The following DLGAP4 variants were observed in gnomAD, a reference collection of about 807,000 sequenced individuals.
The protein encoded by DLGAP4 is DLG associated protein 4, also known as disks large-associated protein 4.
Under a neutral mutation model 86.9 loss-of-function variants are expected in DLGAP4, and 18 were observed. The observed-to-expected ratio is 0.21, with a 90% CI of 0.14 to 0.31. DLGAP4 has a LOEUF of 0.31. DLGAP4 is among the 10% of genes least tolerant of loss of function. The pLI, the probability that DLGAP4 is intolerant of heterozygous loss-of-function variation, is 1.00. For missense variants in DLGAP4, 1,085 were observed against 1,362.6 expected, an observed-to-expected ratio of 0.80 and a Z score of 3.21; for synonymous variants, 548 against 574.3, an observed-to-expected ratio of 0.95 and a Z score of 0.65.
chr20:36,416,779 C>G (rs567927517), intron 2 of DLGAP4, among the ~76,000 whole-genome samples: 2 of 152,058 alleles, frequency 1.3e-5, no homozygotes, highest in Non-Finnish European at 2.9e-5. Context: ...ACAGAAACGC[C>G]AGCCTAGCCT....
intron 5 of DLGAP4, among the ~76,000 whole-genome samples, chr20:36,441,856 G>C (rs566507434): frequency 6.6e-6 from 1 of 151,784 alleles, no homozygotes; most frequent in Non-Finnish European, 1.5e-5. Flanking sequence ...CTCCACCCCC[G>C]CCTGGGCCTG....
intron 1 of DLGAP4, among the ~76,000 whole-genome samples, chr20:36,315,046 T>TTGTATG (rs1476501944): frequency 2.3e-4 from 1 of 4,380 alleles, no homozygotes; most frequent in Non-Finnish European, 5.1e-4. Context: ...GTGTGGTGTG[T>TTGTATG]TGCGCCCCCC....
Position 36,393,276 on chromosome 20 carries a change from G to C in DLGAP4, c.-73+26001G>C, listed in dbSNP as rs2031843299. Among the ~76,000 whole-genome samples, 1 of 152,108 alleles carries C rather than the reference G, an allele frequency of 6.6e-6. No individual in the cohort carries two copies. The highest frequency in any genetic ancestry group is 1.5e-5 in the Non-Finnish European group (1 of 68,006). On this transcript the variant is annotated intron_variant, in intron 2 of 12. Coordinates refer to ENST00000339266, the MANE Select transcript of DLGAP4 (RefSeq NM_001365621.2). This position sits in a 1 kb window ranked among gnomAD's most constrained non-coding sequence, Gnocchi z 4.4. ...CAGACCTAACCAAGAGCCTGAGCAA[G>C]ACTGGAAGTGCCTCCTTAGCCTGGG...
At chr20:36,417,446 A>G (rs961844338) in intron 2 of DLGAP4, among the ~76,000 whole-genome samples, 1 of 152,116 alleles carries the variant, frequency 6.6e-6, no homozygotes, top group Non-Finnish European at 1.5e-5. Flanking sequence ...TAGTGGCACA[A>G]TCACGGCTCA....
In DLGAP4 at chr20:36,500,531, T is replaced by A; in HGVS notation, c.2432T>A (p.Leu811Gln). 6.4e-7 allele frequency: 1 copy of A among 1,571,126 alleles called. No individual in the cohort carries two copies. The highest frequency in any genetic ancestry group is 8.6e-7 in the Non-Finnish European group (1 of 1,160,230). ...RRDGYWFLKL[L>Q]QAETERLEGW... ...GACGGCTACTGGTTCCTAAAGCTAC[T>A]GCAGGCAGAAACAGAGCGGCTGGAA... Residue 811 changes from leucine (L) to glutamine (Q), a missense_variant, in exon 10 of 13, where the codon CTG (leucine) becomes CAG (glutamine). Leu to Gln is a moderately radical substitution (Grantham distance 113, BLOSUM62 -2). Around this residue, in one of 2 missense-constraint regions of DLGAP4, gnomAD observed 1,082 missense variants for 1,344.1 expected, o/e 0.81. Coordinates refer to ENST00000339266, the MANE Select transcript of DLGAP4 (RefSeq NM_001365621.2). This position sits in a 1 kb window ranked among gnomAD's most constrained non-coding sequence, Gnocchi z 4.6.
At chr20:36,413,025 G>A (rs957239530) in intron 2 of DLGAP4, among the ~76,000 whole-genome samples, 32 of 147,964 alleles carry the variant, frequency 2.2e-4, no homozygotes, top group African/African-American at 7.8e-4. Flanking sequence ...TGTCACCCAG[G>A]CTGGAGTACA....
chr20:36,523,026 T>C (rs1772132697), intron 10 of DLGAP4, among the ~76,000 whole-genome samples: 2 of 150,320 alleles, frequency 1.3e-5, no homozygotes, highest in African/African-American at 5.1e-5. Flanking sequence ...GTATTTTCTG[T>C]AGAGATGGAC....
intron 7 of DLGAP4, among the ~76,000 whole-genome samples, chr20:36,459,225 G>A (rs2033959729): frequency 6.6e-6 from 1 of 152,144 alleles, no homozygotes; most frequent in South Asian, 2.1e-4. Context: ...CTGGAGTACA[G>A]TAGATGTTCC....
At chr20:36,417,192 G>A (rs2032679670) in intron 2 of DLGAP4, among the ~76,000 whole-genome samples, 1 of 152,118 alleles carries the variant, frequency 6.6e-6, no homozygotes, top group Non-Finnish European at 1.5e-5. Flanking sequence ...AGGAGGTGAC[G>A]TTTAATCAGG....
intron 8 of DLGAP4, 21 bp downstream of exon 8, chr20:36,497,087 CTG>C (rs2035919766): frequency 1.3e-6 from 2 of 1,567,710 alleles, no homozygotes; most frequent in Non-Finnish European, 8.7e-7. Context: ...CTTTTGCACT[CTG>C]TGTCCTCAGC....
chr20:36,430,381 T>A (rs952882717), intron 2 of DLGAP4, among the ~76,000 whole-genome samples: 1 of 152,186 alleles, frequency 6.6e-6, no homozygotes, highest in Non-Finnish European at 1.5e-5. Context: ...CCAGCAGTCA[T>A]ACTTGGTAGA....
At chr20:36,335,532 C>T (rs782047269) in intron 1 of DLGAP4, among the ~76,000 whole-genome samples, 7 of 152,070 alleles carry the variant, frequency 4.6e-5, no homozygotes, top group Non-Finnish European at 1.0e-4. Flanking sequence ...TTGTGACTGT[C>T]GAGACTGTGG....
At chr20:36,358,205 G>A (rs1555893998) in intron 1 of DLGAP4, among the ~76,000 whole-genome samples, 1 of 152,258 alleles carries the variant, frequency 6.6e-6, no homozygotes, top group East Asian at 1.9e-4. Context: ...GCCACAGTGA[G>A]GCACGCATGA....
intron 7 of DLGAP4, 60 bp from the exon 8 acceptor site, chr20:36,496,645 G>C (rs1458797649): frequency 6.5e-7 from 1 of 1,546,518 alleles, no homozygotes; most frequent in Non-Finnish European, 8.8e-7. Context: ...GAAGGGGCTT[G>C]AGAGGGTTGG....
chr20:36,499,697 G>A (rs1280998642), intron 9 of DLGAP4, 21 bp downstream of exon 9: 21 of 1,603,614 alleles, frequency 1.3e-5, no homozygotes, highest in Admixed American at 1.0e-4. Context: ...CAGAGGTGGC[G>A]GCTGCTTCTC....
rs547416123 is a variant in DLGAP4 at position 36,378,787 on chromosome 20, G to T, written c.-73+11512G>T. ...GAGGCAGAGTGCAGGAGACGCTTGA[G>T]TGTCAGCCACAGTAGGAGGGTTCGG... On this transcript the variant is annotated intron_variant, in intron 2 of 12. Transcript: ENST00000339266. Among the ~76,000 whole-genome samples the T allele has an allele frequency of 1.8e-4, 27 of 152,166 alleles. No homozygotes were observed. The East Asian group carries it at 5.2e-3, about 29-fold the overall frequency.
intron 2 of DLGAP4, among the ~76,000 whole-genome samples, chr20:36,377,589 A>C (rs372602952): frequency 2.2e-4 from 34 of 152,268 alleles, no homozygotes; most frequent in African/African-American, 7.5e-4. Flanking sequence ...TCTGCTCATC[A>C]GGGTGCTCCT....
chr20:36,396,346 CACA>C (rs1569484490), intron 2 of DLGAP4, among the ~76,000 whole-genome samples: 22 of 2,614 alleles, frequency 8.4e-3, no homozygotes, highest in East Asian at 0.014. Flanking sequence ...CGCACACACA[CACA>C]CACATACCAC....
chr20:36,366,117 G>A (rs1569473513), intron 1 of DLGAP4, among the ~76,000 whole-genome samples: 2 of 152,080 alleles, frequency 1.3e-5, no homozygotes, highest in Admixed American at 1.3e-4. Flanking sequence ...TGGGTTTTTT[G>A]TTTTTGGTTT....
Sources: gnomAD v4.1 joint callset for allele counts (sites outside exome capture counted in the v4.1 genomes callset) on GRCh38, gnomAD v4.1.1 for gene constraint, gnomAD v4.1.1 regional missense constraint, Gnocchi (gnomAD v3.1) non-coding constraint, MANE v1.5 for transcripts, NCBI Gene and HGNC (gene_info 2026-07-23, HGNC 2026-07-21) for gene names.